The following USP32 variants were observed in gnomAD, a reference collection of about 807,000 sequenced individuals.
The protein encoded by USP32 is ubiquitin carboxyl-terminal hydrolase 32.
USP32 carries 59 observed loss-of-function variants against 204.8 expected under a neutral mutation model. The ratio of observed to expected loss-of-function variants is 0.29; its 90% CI spans 0.23 to 0.36. The LOEUF (loss-of-function observed/expected upper bound fraction) is 0.36. Ranked by LOEUF, USP32 falls within the 10% of genes least tolerant of loss-of-function variation. The pLI is 1.00. For missense variants in USP32, 1,160 were observed against 1,946.4 expected, an observed-to-expected ratio of 0.60 and a Z score of 7.60; for synonymous variants, 517 against 678.4, an observed-to-expected ratio of 0.76 and a Z score of 3.70.
At chr17:60,352,481 C>G (rs77879262) in intron 1 of USP32, among the ~76,000 whole-genome samples, 5,551 of 152,246 alleles carry the variant, frequency 0.036, 135 homozygotes, top group Middle Eastern at 0.061. Flanking sequence ...AAAAATAAAC[C>G]CTTATATCTT....
chr17:60,266,014 A>T lies in USP32; in HGVS notation c.889T>A (p.Leu297Ile). The T allele has an allele frequency of 6.2e-7, 1 of 1,614,076 alleles. No individual in the cohort carries two copies. Reference sequence around the variant, plus strand: ...GTGCGGTTGTCCTTCCAGACTTCTAAAAGTGCAACCACCATGTCTCTCAGT... The same window carrying T: ...GTGCGGTTGTCCTTCCAGACTTCTATAAGTGCAACCACCATGTCTCTCAGT... Reference protein sequence around the residue: ...VELRDMVVALLEVWKDNRTDD... With the variant: ...VELRDMVVALIEVWKDNRTDD... Residue 297 changes from leucine (L) to isoleucine (I), a missense_variant, in exon 8 of 34, where the codon TTA becomes ATA. Physicochemically the swap from Leu to Ile is conservative, Grantham distance 5. Coordinates refer to ENST00000300896, the MANE Select transcript of USP32 (RefSeq NM_032582.4).
At chr17:60,244,823 G>A (rs1328342512) in intron 11 of USP32, among the ~76,000 whole-genome samples, 4 of 152,178 alleles carry the variant, frequency 2.6e-5, no homozygotes, top group African/African-American at 9.7e-5. Flanking sequence ...GTAGAGACGA[G>A]GTTTTGCCAT....
chr17:60,269,591 C>G (rs776953533), intron 6 of USP32, 34 bp from the exon 7 acceptor site: 1 of 1,516,408 alleles, frequency 6.6e-7, no homozygotes, highest in Non-Finnish European at 9.0e-7. Context: ...TAAATCACAG[C>G]CAAGCTTCCT....
At chr17:60,363,240 A>C (rs935272376) in intron 1 of USP32, among the ~76,000 whole-genome samples, 1 of 151,972 alleles carries the variant, frequency 6.6e-6, no homozygotes, top group Non-Finnish European at 1.5e-5. Flanking sequence ...AGATTGCCTG[A>C]GCTCAGGAGT....
At chr17:60,324,631 A>G (rs1396860356) in intron 2 of USP32, among the ~76,000 whole-genome samples, 2 of 152,170 alleles carry the variant, frequency 1.3e-5, no homozygotes, top group African/African-American at 4.8e-5. Context: ...GATGTCTCAC[A>G]TTACTTCAAC....
upstream of USP32, among the ~76,000 whole-genome samples, chr17:60,393,890 G>A (rs1302154448): frequency 2.0e-5 from 3 of 152,044 alleles, no homozygotes; most frequent in Non-Finnish European, 4.4e-5. Flanking sequence ...CTCCATGTTG[G>A]TCAGGCTGTT....
chr17:60,282,762 C>T (rs1273385539), intron 5 of USP32, among the ~76,000 whole-genome samples: 1 of 152,228 alleles, frequency 6.6e-6, no homozygotes, highest in Non-Finnish European at 1.5e-5. Flanking sequence ...TTTAGCCTTA[C>T]AGTCCTAAGA....
chr17:60,297,699 C>T (rs1472868665), intron 3 of USP32, among the ~76,000 whole-genome samples: 2 of 152,136 alleles, frequency 1.3e-5, no homozygotes, highest in Non-Finnish European at 2.9e-5. Flanking sequence ...CCTCAGCCTC[C>T]CAAAGTGCTG....
At chr17:60,382,649 T>A (rs2146117799) in intron 1 of USP32, among the ~76,000 whole-genome samples, 1 of 152,342 alleles carries the variant, frequency 6.6e-6, no homozygotes, top group Non-Finnish European at 1.5e-5. Context: ...GTGTTGAATT[T>A]TATATAACTC....
chr17:60,294,917 TTATAAA>T (rs1242286312), intron 3 of USP32, 116 bp from the exon 4 acceptor site: 3 of 582,176 alleles, frequency 5.2e-6, no homozygotes, highest in Non-Finnish European at 9.1e-6. Context: ...GCCAAGCACC[TTATAAA>T]TATAGTTTAT....
intron 5 of USP32, among the ~76,000 whole-genome samples, chr17:60,287,505 T>G (rs2087146566): frequency 6.6e-6 from 1 of 152,222 alleles, no homozygotes; most frequent in South Asian, 2.1e-4. Context: ...CTTTGCTTAA[T>G]GCCCTATAAA....
intron 21 of USP32, among the ~76,000 whole-genome samples, chr17:60,210,725 T>C (rs1272247497): frequency 6.6e-6 from 1 of 152,260 alleles, no homozygotes; most frequent in Non-Finnish European, 1.5e-5. Context: ...AATAGTGAAG[T>C]ATTACCAAAA....
chr17:60,348,973 T>C (rs759358415), intron 1 of USP32, among the ~76,000 whole-genome samples: 1 of 152,066 alleles, frequency 6.6e-6, no homozygotes, highest in Admixed American at 6.6e-5. Flanking sequence ...ACATTTGCAA[T>C]TGAAGGAGGT....
chr17:60,286,138 A>G (rs2087104836), intron 5 of USP32, among the ~76,000 whole-genome samples: 1 of 139,462 alleles, frequency 7.2e-6, no homozygotes, highest in African/African-American at 2.9e-5. Context: ...AGTGTGTCCA[A>G]AAAAAAAAAA....
chr17:60,183,615 G>A (rs1017232817), intron 30 of USP32, among the ~76,000 whole-genome samples, 162 bp from the exon 31 acceptor site: 10 of 152,146 alleles, frequency 6.6e-5, no homozygotes, highest in African/African-American at 2.4e-4. Flanking sequence ...TTTCATAAAG[G>A]CCTCTACATA....
chr17:60,184,187 C>T (rs765249922), intron 30 of USP32, among the ~76,000 whole-genome samples: 5 of 151,570 alleles, frequency 3.3e-5, no homozygotes, highest in South Asian at 2.1e-4. Flanking sequence ...TGGTGGTGGG[C>T]GCCTGTAGTC....
At chr17:60,362,801 A>T (rs566896964) in intron 1 of USP32, among the ~76,000 whole-genome samples, 2 of 152,312 alleles carry the variant, frequency 1.3e-5, no homozygotes, top group East Asian at 1.9e-4. Context: ...CAACTATATT[A>T]AAAAATGTTT....
At chr17:60,323,999 G>A (rs1394850737) in intron 2 of USP32, among the ~76,000 whole-genome samples, 1 of 152,172 alleles carries the variant, frequency 6.6e-6, no homozygotes, top group Non-Finnish European at 1.5e-5. Context: ...GCATAAACCA[G>A]GCCAGGTGCA....
chr17:60,352,081 T>G (rs1036567875), intron 1 of USP32, among the ~76,000 whole-genome samples: 7 of 152,134 alleles, frequency 4.6e-5, no homozygotes, highest in Admixed American at 2.0e-4. Flanking sequence ...AGAAATGAGG[T>G]TAGAATGATA....
Sources: allele counts gnomAD v4.1 joint callset (sites outside exome capture counted in the v4.1 genomes callset), GRCh38; gene constraint gnomAD v4.1.1; transcripts MANE v1.5; gene names NCBI Gene and HGNC (gene_info 2026-07-23, HGNC 2026-07-21).